Variants in RPS6KA2 observed in about 807,000 individuals in gnomAD.
RPS6KA2 encodes ribosomal protein S6 kinase alpha-2.
A neutral mutation model predicts 91.8 loss-of-function variants in RPS6KA2; 42 were observed. The ratio of observed to expected loss-of-function variants is 0.46; its 90% CI spans 0.36 to 0.59. The LOEUF (loss-of-function observed/expected upper bound fraction) is 0.59. Among genes scored for constraint, RPS6KA2 ranks in the 20% least tolerant of loss-of-function variants. RPS6KA2 has a pLI of 0.00. For synonymous variants in RPS6KA2, 414 were observed against 393.6 expected (o/e 1.05, Z -0.61); for missense variants, 798 against 978.5 (o/e 0.82, Z 2.46).
chr6:166,773,306 G>A (rs1778525838), intron 2 of RPS6KA2, among the ~76,000 whole-genome samples: 1 of 152,210 alleles, frequency 6.6e-6, no homozygotes, highest in South Asian at 2.1e-4. Flanking sequence ...CTAATGAGGG[G>A]CTTTCCATCA....
intron 3 of RPS6KA2, among the ~76,000 whole-genome samples, chr6:166,519,055 C>A (rs1412327271): frequency 1.3e-5 from 2 of 152,236 alleles, no homozygotes; most frequent in East Asian, 1.9e-4. Flanking sequence ...GATTCTTCCA[C>A]TAAGAAACAG....
intron 20 of RPS6KA2, 79 bp downstream of exon 20, chr6:166,413,715 C>T (rs1778398483): frequency 8.8e-6 from 13 of 1,475,172 alleles, no homozygotes; most frequent in Middle Eastern, 1.8e-4. Context: ...GTGGTTTCTT[C>T]GGAGTGATTG....
intron 2 of RPS6KA2, among the ~76,000 whole-genome samples, chr6:166,797,207 C>T: frequency 6.6e-6 from 1 of 152,204 alleles, no homozygotes; most frequent in Non-Finnish European, 1.5e-5. Flanking sequence ...GAGGGAGGCA[C>T]CCCACATCCG....
intron 2 of RPS6KA2, among the ~76,000 whole-genome samples, chr6:166,640,837 G>A (rs1000873067): frequency 6.6e-6 from 1 of 152,112 alleles, no homozygotes; most frequent in Admixed American, 6.5e-5. Context: ...ATCCGAGTCG[G>A]CATTCCCATA....
Position 166,557,824 on chromosome 6 carries a change from C to T in RPS6KA2, c.100-19040G>A, listed in dbSNP as rs1414819477. On this transcript the variant is annotated intron_variant, in intron 1 of 20. Transcript: ENST00000265678. The surrounding 1 kb of genome is among the most constrained non-coding windows in gnomAD (Gnocchi z 4.8). ...TCCTAATATTTTCCATAACAACTTG[C>T]AAAACATTTTAGCCCCAGTTCACCA... 6.6e-6 allele frequency among the ~76,000 whole-genome samples: 1 copy of T among 152,086 alleles called. No individual in the cohort carries two copies. Among genetic ancestry groups the T allele is most frequent in the Non-Finnish European group, 1.5e-5 (1 of 68,026 alleles).
intron 2 of RPS6KA2, among the ~76,000 whole-genome samples, chr6:166,712,615 A>G (rs914552620): frequency 6.6e-6 from 1 of 152,196 alleles, no homozygotes; most frequent in Non-Finnish European, 1.5e-5. Flanking sequence ...GGAGAGTGCC[A>G]TGCACCTGCA....
rs535491984 is a variant in RPS6KA2, at chr6:166,706,707, A to G, written c.123+151493T>C. Among the ~76,000 whole-genome samples the G allele has an allele frequency of 3.9e-5, 6 of 152,342 alleles. No homozygotes were observed. In the East Asian group the frequency reaches 1.2e-3, roughly 29 times the overall value. On this transcript the variant is annotated intron_variant, in intron 2 of 21. Transcript: ENST00000503859. ...TAGGCAGGCTTTACGCACAGTACCCAGGGGGAAGTAAAGCCCCGTGCCAAC... is the reference window on the plus strand; with the variant it reads ...TAGGCAGGCTTTACGCACAGTACCCGGGGGGAAGTAAAGCCCCGTGCCAAC...
chr6:166,682,148 T>C (rs866771897), intron 2 of RPS6KA2, among the ~76,000 whole-genome samples: 7 of 152,238 alleles, frequency 4.6e-5, no homozygotes, highest in Admixed American at 2.6e-4. Context: ...TGTTTCAGAA[T>C]AAACTTCCGC....
intron 1 of RPS6KA2, among the ~76,000 whole-genome samples, chr6:166,548,491 T>A (rs998915793): frequency 1.3e-5 from 2 of 152,074 alleles, no homozygotes; most frequent in African/African-American, 2.4e-5. Context: ...GGTGAAGGGG[T>A]AGACACACAG....
At chr6:166,778,764 CA>C (rs1230435098) in intron 2 of RPS6KA2, among the ~76,000 whole-genome samples, 2 of 152,066 alleles carry the variant, frequency 1.3e-5, no homozygotes, top group Non-Finnish European at 2.9e-5. Flanking sequence ...GAAACTCTAT[CA>C]AAAAAACAAC....
intron 2 of RPS6KA2, among the ~76,000 whole-genome samples, chr6:166,814,577 G>A (rs918738734): frequency 6.6e-6 from 1 of 152,080 alleles, no homozygotes; most frequent in African/African-American, 2.4e-5. Flanking sequence ...CCTGGGCTCC[G>A]CCACCTGTCA....
At chr6:166,729,159 A>T (rs7750397) in intron 2 of RPS6KA2, among the ~76,000 whole-genome samples, 5,508 of 152,146 alleles carry the variant, frequency 0.036, 330 homozygotes, top group African/African-American at 0.13. Context: ...GTGAAACAAG[A>T]TTGACATCCA....
chr6:166,488,684 G>T, intron 10 of RPS6KA2, 149 bp downstream of exon 10: 1 of 578,468 alleles, frequency 1.7e-6, no homozygotes, highest in Non-Finnish European at 3.1e-6. Flanking sequence ...GATGGCACTG[G>T]TACTATTTCA....
intron 2 of RPS6KA2, among the ~76,000 whole-genome samples, chr6:166,780,284 G>C (rs1317448298): frequency 6.6e-6 from 1 of 152,240 alleles, no homozygotes; most frequent in Non-Finnish European, 1.5e-5. Flanking sequence ...CTCGGAGTAT[G>C]TGGGCCTAGT....
chr6:166,746,226 G>A (rs376307910), intron 2 of RPS6KA2, among the ~76,000 whole-genome samples: 30 of 152,306 alleles, frequency 2.0e-4, no homozygotes, highest in South Asian at 1.7e-3. Flanking sequence ...GAACAACACC[G>A]AGCTTTCCTC....
At chr6:166,817,411 ACAC>A (rs1334991487) in intron 2 of RPS6KA2, among the ~76,000 whole-genome samples, 1 of 152,122 alleles carries the variant, frequency 6.6e-6, no homozygotes, top group Non-Finnish European at 1.5e-5. Context: ...AAACACACAC[ACAC>A]ACACACCCTA....
Position 166,533,219 on chromosome 6 carries a change from A to G in RPS6KA2, c.217-1906T>C, listed in dbSNP as rs16899084. Among the ~76,000 whole-genome samples the G allele has an allele frequency of 0.052, 7,894 of 152,316 alleles. 672 individuals are homozygous for G. Among genetic ancestry groups the G allele is most frequent in the African/African-American group, 0.18 (7,485 of 41,536 alleles). ...CATGCCATGCACAGTTTTAGCTTCCATCTGATGCAACTCCTTTCATTTCTC... is the reference window on the plus strand; with the variant it reads ...CATGCCATGCACAGTTTTAGCTTCCGTCTGATGCAACTCCTTTCATTTCTC... On this transcript the variant is annotated intron_variant, in intron 2 of 20. Transcript: ENST00000265678. The surrounding 1 kb of genome is among the most constrained non-coding windows in gnomAD (Gnocchi z 4.0).
rs57106460 is a variant in RPS6KA2, at chr6:166,430,321, A to G, written c.1581+132T>C. 31,084 of 841,662 alleles carry G rather than the reference A, an allele frequency of 0.037. 5,479 individuals carry two copies. The African/African-American group carries it at 0.43, about 12-fold the overall frequency. 52.1% of individuals were successfully genotyped at this position (841,662 alleles called of 1,614,324 possible). ...GTCACTGAGCCTCCAGACACAAGAG[A>G]GACGATGGTGGCACGGAAGGAATTC... On this transcript the variant is annotated intron_variant, in intron 16 of 20. Transcript: ENST00000265678.
At chr6:166,684,454 C>T (rs1788943477) in intron 2 of RPS6KA2, among the ~76,000 whole-genome samples, 1 of 152,220 alleles carries the variant, frequency 6.6e-6, no homozygotes, top group South Asian at 2.1e-4. Flanking sequence ...AGAGCTGTAA[C>T]ACTGCTGCTT....
Sources: gnomAD v4.1 joint callset for allele counts (sites outside exome capture counted in the v4.1 genomes callset) on GRCh38, gnomAD v4.1.1 for gene constraint, Gnocchi (gnomAD v3.1) non-coding constraint, MANE v1.5 for transcripts, NCBI Gene and HGNC (gene_info 2026-07-23, HGNC 2026-07-21) for gene names.